The following ARHGEF12 variants were observed in gnomAD, a reference collection of about 807,000 sequenced individuals.
The protein encoded by ARHGEF12 is Rho guanine nucleotide exchange factor 12, also known as KMT2A/ARHGEF12 fusion protein.
A neutral mutation model predicts 211.2 loss-of-function variants in ARHGEF12; 66 were observed. The ratio of observed to expected loss-of-function variants is 0.31; its 90% CI spans 0.26 to 0.38. The LOEUF (loss-of-function observed/expected upper bound fraction) is 0.38. Among genes scored for constraint, ARHGEF12 ranks in the 10% least tolerant of loss-of-function variants. ARHGEF12 has a pLI of 1.00. For synonymous variants in ARHGEF12, 592 were observed against 638.4 expected, an observed-to-expected ratio of 0.93 and a Z score of 1.09; for missense variants, 1,429 against 1,869.5, an observed-to-expected ratio of 0.76 and a Z score of 4.34.
intron 1 of ARHGEF12, among the ~76,000 whole-genome samples, chr11:120,358,465 A>T (rs1294862823): frequency 6.6e-6 from 1 of 152,094 alleles, no homozygotes; most frequent in African/African-American, 2.4e-5. Context: ...TGGAAGATGG[A>T]GAAGAGAACA....
intron 1 of ARHGEF12, among the ~76,000 whole-genome samples, chr11:120,346,071 TGTTA>T (rs1284755850): frequency 6.6e-6 from 1 of 152,164 alleles, no homozygotes; most frequent in Admixed American, 6.5e-5. Flanking sequence ...CCTACACACC[TGTTA>T]GTTTTCATAC....
intron 1 of ARHGEF12, among the ~76,000 whole-genome samples, chr11:120,394,115 A>G (rs1339995260): frequency 2.0e-5 from 3 of 152,306 alleles, no homozygotes; most frequent in African/African-American, 7.2e-5. Flanking sequence ...TGAAAATGAA[A>G]ACACAACATA....
At chr11:120,354,308 C>G (rs1305425745) in intron 1 of ARHGEF12, among the ~76,000 whole-genome samples, 1 of 152,166 alleles carries the variant, frequency 6.6e-6, no homozygotes, top group East Asian at 1.9e-4. Context: ...AGTCCTCTTT[C>G]CCATTCCCCT....
chr11:120,452,703 C>T (rs549207093), intron 22 of ARHGEF12, among the ~76,000 whole-genome samples: 41 of 152,176 alleles, frequency 2.7e-4, no homozygotes, highest in African/African-American at 9.6e-4. Flanking sequence ...AGAGATTATA[C>T]AGGAAGACAA....
intron 10 of ARHGEF12, among the ~76,000 whole-genome samples, chr11:120,430,293 C>G (rs1206032488): frequency 6.6e-6 from 1 of 151,992 alleles, no homozygotes; most frequent in Non-Finnish European, 1.5e-5. Flanking sequence ...GGTTGTTTTC[C>G]TCCAGTTTAC....
At chr11:120,484,998 G>T in intron 40 of ARHGEF12, 69 bp from the exon 41 acceptor site, 1 of 1,511,300 alleles carries the variant, frequency 6.6e-7, no homozygotes, top group South Asian at 1.2e-5. Context: ...CAGATGTCAT[G>T]GGTATTCTTT....
intron 11 of ARHGEF12, among the ~76,000 whole-genome samples, chr11:120,432,409 ACTAT>A (rs1370558935): frequency 1.3e-5 from 2 of 152,234 alleles, no homozygotes; most frequent in Non-Finnish European, 2.9e-5. Context: ...GATGAACATG[ACTAT>A]CTGTTAAGAT....
chr11:120,366,166 G>A (rs1222871099), intron 1 of ARHGEF12, among the ~76,000 whole-genome samples: 1 of 152,166 alleles, frequency 6.6e-6, no homozygotes, highest in Non-Finnish European at 1.5e-5. Context: ...TGAGGTGGAA[G>A]GATTGCTTGA....
chr11:120,347,266 C>CTCTCTGTG lies in ARHGEF12; in HGVS notation c.32+9992_32+9993insCTCTGTGT, dbSNP rs1426650315. 1.0e-4 allele frequency among the ~76,000 whole-genome samples: 14 copies of CTCTCTGTG among 133,596 alleles called. 1 individual carries two copies. The South Asian group carries it at 3.2e-3, about 30-fold the overall frequency. 87.6% of individuals were successfully genotyped at this position (133,596 alleles called of 152,430 possible). ...TCTGTTTCTCTCTCTCTCTCTCTCT[C>CTCTCTGTG]TGTCTGTGTGTGTGTGTGTGTGTGT... On this transcript the variant is annotated intron_variant, in intron 1 of 40. Coordinates refer to ENST00000397843, the MANE Select transcript of ARHGEF12 (RefSeq NM_015313.3).
chr11:120,431,779 T>C lies in ARHGEF12; in HGVS notation c.792T>C (p.Ala264=). Residue 264 remains alanine, a synonymous_variant, in exon 11 of 41, where the codon GCT becomes GCC. Transcript: ENST00000397843. ...TCTTTCATCTGTTTTAGGATGGAGCTGTAGTTACACCCTCCAGACCTTTAG... is the reference window on the plus strand; with the variant it reads ...TCTTTCATCTGTTTTAGGATGGAGCCGTAGTTACACCCTCCAGACCTTTAG... ...SKATGSAQDG[A]VVTPSRPLGD... 1 of 1,598,344 alleles carries C rather than the reference T, an allele frequency of 6.3e-7. No homozygotes were observed. The highest frequency in any genetic ancestry group is 1.3e-5 in the African/African-American group (1 of 74,200).
intron 4 of ARHGEF12, chr11:120,410,746 A>T (rs960369755): frequency 6.6e-6 from 1 of 152,200 alleles, no homozygotes; most frequent in African/African-American, 2.4e-5. Flanking sequence ...GTTCAGCAGT[A>T]AATGTATACT....
chr11:120,416,226 T>C (rs1945023036), intron 4 of ARHGEF12, among the ~76,000 whole-genome samples: 1 of 152,240 alleles, frequency 6.6e-6, no homozygotes, highest in South Asian at 2.1e-4. Flanking sequence ...CTTTCATCTC[T>C]AGACTTGTCT....
chr11:120,421,098 T>C (rs1018081992), intron 5 of ARHGEF12, among the ~76,000 whole-genome samples: 3 of 152,356 alleles, frequency 2.0e-5, no homozygotes, highest in East Asian at 3.9e-4. Context: ...TTGGTCATGA[T>C]ACTTTATTGT....
chr11:120,462,359 A>G (rs951319209), intron 27 of ARHGEF12, among the ~76,000 whole-genome samples: 1 of 152,220 alleles, frequency 6.6e-6, no homozygotes, highest in South Asian at 2.1e-4. Flanking sequence ...GGTGCAGTTC[A>G]TGGTGCCCCA....
chr11:120,474,828 G>C (rs1039865830), intron 32 of ARHGEF12, among the ~76,000 whole-genome samples, 193 bp downstream of exon 32: 2 of 152,192 alleles, frequency 1.3e-5, no homozygotes, highest in Admixed American at 1.3e-4. Flanking sequence ...ATTCATTTAG[G>C]AATGTAGTGG....
intron 7 of ARHGEF12, among the ~76,000 whole-genome samples, chr11:120,427,652 A>G (rs2135710885): frequency 6.6e-6 from 1 of 152,006 alleles, no homozygotes; most frequent in East Asian, 1.9e-4. Context: ...AGCCTGGGTG[A>G]CAAAGTGAGA....
At chr11:120,483,165 A>G (rs970850658) in intron 39 of ARHGEF12, among the ~76,000 whole-genome samples, 2 of 151,898 alleles carry the variant, frequency 1.3e-5, no homozygotes, top group South Asian at 2.1e-4. Context: ...ATCTCTCAAC[A>G]CTATTACTGA....
intron 1 of ARHGEF12, among the ~76,000 whole-genome samples, chr11:120,383,462 A>G (rs1301211996): frequency 6.6e-6 from 1 of 152,106 alleles, no homozygotes; most frequent in East Asian, 1.9e-4. Flanking sequence ...ACTCACCATA[A>G]TGTAGAATCA....
At chr11:120,388,976 CCTCAGCCT>C (rs1336899357) in intron 1 of ARHGEF12, among the ~76,000 whole-genome samples, 2 of 152,124 alleles carry the variant, frequency 1.3e-5, no homozygotes, top group Non-Finnish European at 2.9e-5. Context: ...GATTCTCCTG[CCTCAGCCT>C]CCCAAGTAGC....
Sources: allele counts gnomAD v4.1 joint callset (sites outside exome capture counted in the v4.1 genomes callset), GRCh38; gene constraint gnomAD v4.1.1; transcripts MANE v1.5; gene names NCBI Gene and HGNC (gene_info 2026-07-23, HGNC 2026-07-21).